Variants in MED1 observed in about 807,000 individuals in gnomAD.
MED1 encodes mediator complex subunit 1.
A neutral mutation model predicts 121.3 loss-of-function variants in MED1; 17 were observed. That is an observed-to-expected ratio of 0.14 (90% confidence interval 0.10 to 0.21). The LOEUF (loss-of-function observed/expected upper bound fraction) is 0.21, where lower values mean the gene tolerates loss of function less well. Among genes scored for constraint, MED1 ranks in the 10% least tolerant of loss-of-function variants. The pLI is 1.00. For synonymous variants in MED1, 661 were observed against 694.4 expected, an observed-to-expected ratio of 0.95 and a Z score of 0.76; for missense variants, 1,558 against 1,919.4, an observed-to-expected ratio of 0.81 and a Z score of 3.52.
intron 14 of MED1, among the ~76,000 whole-genome samples, chr17:39,417,197 G>A (rs1230364541): frequency 1.3e-5 from 2 of 152,088 alleles, no homozygotes; most frequent in Non-Finnish European, 2.9e-5. Context: ...TGGCATGGTG[G>A]TGGATACTTG....
intron 1 of MED1, among the ~76,000 whole-genome samples, chr17:39,449,207 G>A (rs986191060): frequency 6.6e-6 from 1 of 152,012 alleles, no homozygotes; most frequent in African/African-American, 2.4e-5. Flanking sequence ...TTGAAACAGG[G>A]TCTCGCTCTG....
At chr17:39,418,017 C>T (rs746415722) in intron 14 of MED1, among the ~76,000 whole-genome samples, 3 of 123,596 alleles carry the variant, frequency 2.4e-5, no homozygotes, top group Non-Finnish European at 3.2e-5. Flanking sequence ...ACCTGGGAGG[C>T]GGAGGTTGCA....
intron 9 of MED1, among the ~76,000 whole-genome samples, chr17:39,429,885 AC>A (rs1253636948): frequency 6.6e-6 from 1 of 151,808 alleles, no homozygotes; most frequent in Non-Finnish European, 1.5e-5. Flanking sequence ...CCAGTTCAAG[AC>A]CAGCCTAGGC....
intron 9 of MED1, among the ~76,000 whole-genome samples, 200 bp from the exon 10 acceptor site, chr17:39,427,990 GAGGATC>G (rs2048530702): frequency 6.6e-6 from 1 of 152,130 alleles, no homozygotes; most frequent in Non-Finnish European, 1.5e-5. Context: ...GCTCCGGCAA[GAGGATC>G]ACTTGAGTCC....
intron 16 of MED1, among the ~76,000 whole-genome samples, chr17:39,413,285 CAG>C (rs2048373865): frequency 1.3e-5 from 2 of 152,022 alleles, no homozygotes; most frequent in Non-Finnish European, 2.9e-5. Context: ...TGTTTTGAGA[CAG>C]AATCTCACTC....
At chr17:39,417,887 T>C (rs1195418452) in intron 14 of MED1, among the ~76,000 whole-genome samples, 4 of 151,322 alleles carry the variant, frequency 2.6e-5, no homozygotes, top group Non-Finnish European at 4.4e-5. Context: ...TTGGGAGGCC[T>C]AGGAGGGTGG....
chr17:39,432,924 G>C (rs1292340041), intron 7 of MED1, among the ~76,000 whole-genome samples: 1 of 152,082 alleles, frequency 6.6e-6, no homozygotes, highest in Non-Finnish European at 1.5e-5. Flanking sequence ...AATTAGCCAG[G>C]TGGCTGGGCG....
In MED1 at chr17:39,450,810, CT is replaced by C; in HGVS notation, c.25+227del. ...CCCACCACTTTAGGCCAAAAGTGCCCTAGTCGAGCATGAAATCTTCACAGAA... is the reference window on the plus strand; with the variant it reads ...CCCACCACTTTAGGCCAAAAGTGCCCAGTCGAGCATGAAATCTTCACAGAA... On this transcript the variant is annotated intron_variant, in intron 1 of 16. Transcript: ENST00000300651. 1.3e-5 allele frequency among the ~76,000 whole-genome samples: 2 copies of C among 152,220 alleles called. 1 individual carries two copies. Among genetic ancestry groups the C allele is most frequent in the Middle Eastern group, 6.8e-3 (2 of 294 alleles).
chr17:39,442,754 A>AG (rs2048690598), intron 3 of MED1, among the ~76,000 whole-genome samples: 2 of 141,868 alleles, frequency 1.4e-5, no homozygotes, highest in African/African-American at 5.2e-5. Context: ...AAAAATATAA[A>AG]ATTACCCGGG....
intron 14 of MED1, among the ~76,000 whole-genome samples, chr17:39,418,479 G>A (rs979245112): frequency 6.6e-6 from 1 of 151,694 alleles, no homozygotes; most frequent in African/African-American, 2.4e-5. Flanking sequence ...GCAGCAGAAA[G>A]CTGTTATCAT....
Position 39,415,321 on chromosome 17 carries a change from T to C in MED1, c.1316A>G (p.Gln439Arg). 1 of 1,612,748 alleles carries C rather than the reference T, an allele frequency of 6.2e-7. No homozygotes were observed. Among genetic ancestry groups the C allele is most frequent in the Middle Eastern group, 1.6e-4 (1 of 6,062 alleles). The change falls in exon 15 of 17, where the codon CAA becomes CGA. Residue 439 changes from glutamine to arginine, a missense_variant. Gln to Arg is a conservative substitution (Grantham distance 43). Coordinates refer to ENST00000300651, the MANE Select transcript of MED1 (RefSeq NM_004774.4). Reference sequence around the variant, plus strand: ...CTCTGAGAGAGGACACACTTCAAATTGGAGAAGCCCAGGAGAATCTAAAAG... The same window carrying C: ...CTCTGAGAGAGGACACACTTCAAATCGGAGAAGCCCAGGAGAATCTAAAAG... ...ILKEDSPGLL[Q>R]FEVCPLSESR...
chr17:39,435,972 T>A (rs2048614385), intron 6 of MED1, among the ~76,000 whole-genome samples: 1 of 152,030 alleles, frequency 6.6e-6, no homozygotes, highest in Non-Finnish European at 1.5e-5. Flanking sequence ...CTCAGGAGGC[T>A]AAGGCAGGAA....
Position 39,407,663 on chromosome 17 carries a change from G to C in MED1, c.4558C>G (p.Arg1520Gly). The C allele has an allele frequency of 6.2e-7, 1 of 1,613,884 alleles. No homozygotes were observed. The highest frequency in any genetic ancestry group is 8.5e-7 in the Non-Finnish European group (1 of 1,179,920). ...KDRDRDRDKD[R>G]DKKKSHSIKP... ...ATGCTATGAGATTTTTTCTTGTCTC[G>C]GTCTTTGTCCCGGTCTCGGTCCCTA... The change falls in exon 17 of 17, where the codon CGA (arginine) becomes GGA (glycine). Residue 1520 changes from arginine (R) to glycine (G), a missense_variant. Coordinates refer to ENST00000300651, the MANE Select transcript of MED1 (RefSeq NM_004774.4).
In MED1 at chr17:39,407,893, T is replaced by C. The variant is rs2048318488; in HGVS notation, c.4328A>G (p.His1443Arg). 1 of 1,614,060 alleles carries C rather than the reference T, an allele frequency of 6.2e-7. No individual in the cohort carries two copies. The highest frequency in any genetic ancestry group is 1.1e-5 in the South Asian group (1 of 91,088). Reference protein sequence around the residue: ...SPLISGSTPKHERGSPSHSKS... With the variant: ...SPLISGSTPKRERGSPSHSKS... ...ACTATGGCTGGGAGAGCCACGCTCA[T>C]GCTTTGGAGTGGAACCACTGATGAG... Residue 1443 changes from histidine (H) to arginine (R), a missense_variant, in exon 17 of 17, where the codon CAT (histidine) becomes CGT (arginine). Coordinates refer to ENST00000300651, the MANE Select transcript of MED1 (RefSeq NM_004774.4).
intron 10 of MED1, 47 bp downstream of exon 10, chr17:39,427,654 C>T (rs953497776): frequency 1.7e-5 from 24 of 1,390,690 alleles, no homozygotes; most frequent in Non-Finnish European, 2.3e-5. Flanking sequence ...TAAAGGCAAG[C>T]TGGGCACCGA....
intron 1 of MED1, among the ~76,000 whole-genome samples, chr17:39,448,291 A>C (rs1302271645): frequency 6.6e-6 from 1 of 151,580 alleles, no homozygotes; most frequent in Non-Finnish European, 1.5e-5. Context: ...AATTGCTTGA[A>C]TCCAGGAGGC....
chr17:39,407,915 T>G lies in MED1; in HGVS notation c.4306A>C (p.Ile1436Leu). 1 of 1,614,188 alleles carries G rather than the reference T, an allele frequency of 6.2e-7. No homozygotes were observed. The highest frequency in any genetic ancestry group is 1.3e-5 in the African/African-American group (1 of 75,052). The change falls in exon 17 of 17, where the codon ATC becomes CTC. Residue 1436 changes from isoleucine (I) to leucine (L), a missense_variant. This residue lies in a region of MED1 where 264 missense variants were observed against 326.1 expected (regional missense o/e 0.81). Transcript: ENST00000300651. Reference sequence around the variant, plus strand: ...TCATGCTTTGGAGTGGAACCACTGATGAGTGGAGAGCCATAGTTTTTAGAA... The same window carrying G: ...TCATGCTTTGGAGTGGAACCACTGAGGAGTGGAGAGCCATAGTTTTTAGAA... ...ASSKNYGSPLISGSTPKHERG... is the reference protein window; with the variant it reads ...ASSKNYGSPLLSGSTPKHERG...
intron 14 of MED1, 65 bp from the exon 15 acceptor site, chr17:39,415,404 T>G (rs1284229594): frequency 7.2e-7 from 1 of 1,395,308 alleles, no homozygotes; most frequent in Non-Finnish European, 9.9e-7. Flanking sequence ...CTGGGCACGG[T>G]GGCTCACGCC....
chr17:39,404,446 A>T lies in MED1; in HGVS notation c.*3029T>A, dbSNP rs2048287225. On this transcript the variant is annotated 3_prime_UTR_variant, in exon 17 of 17. Coordinates refer to ENST00000300651, the MANE Select transcript of MED1 (RefSeq NM_004774.4). Reference sequence around the variant, plus strand: ...ATGCACAGAAAACCAAATTTGAAAGATTTTTTTAAAAAAAGACCCTCCCCA... The same window carrying T: ...ATGCACAGAAAACCAAATTTGAAAGTTTTTTTTAAAAAAAGACCCTCCCCA... 2 of 152,242 alleles carry T rather than the reference A, an allele frequency of 1.3e-5. No homozygotes were observed. The highest frequency in any genetic ancestry group is 4.8e-5 in the African/African-American group (2 of 41,420). 9.4% of individuals were successfully genotyped at this position (152,242 alleles called of 1,614,324 possible). A position where few individuals can be genotyped will look rare whatever the true frequency, so the allele number is the denominator to read the frequency against.
Sources: allele counts gnomAD v4.1 joint callset (sites outside exome capture counted in the v4.1 genomes callset), GRCh38; gene constraint gnomAD v4.1.1; regional missense constraint gnomAD v4.1.1; transcripts MANE v1.5; gene names NCBI Gene and HGNC (gene_info 2026-07-23, HGNC 2026-07-21).